The following EEA1 variants were observed in gnomAD, a reference collection of about 807,000 sequenced individuals.
The protein encoded by EEA1 is early endosome antigen 1.
Under a neutral mutation model 209.2 loss-of-function variants are expected in EEA1, and 111 were observed. That is an observed-to-expected ratio of 0.53 (90% CI 0.45 to 0.62). The LOEUF is 0.62. EEA1 is among the 20% of genes least tolerant of loss of function. The pLI is 0.00. For missense variants in EEA1, 1,343 were observed against 1,530.8 expected (o/e 0.88, Z 2.05); for synonymous variants, 536 against 540.6 (o/e 0.99, Z 0.12).
chr12:92,874,830 A>G (rs1161259611), intron 2 of EEA1, among the ~76,000 whole-genome samples: 1 of 152,248 alleles, frequency 6.6e-6, no homozygotes, highest in East Asian at 1.9e-4. Flanking sequence ...ATATCACAAA[A>G]TAGCTAAAAG....
intron 14 of EEA1, among the ~76,000 whole-genome samples, chr12:92,818,099 A>G (rs2136680521): frequency 1.3e-5 from 2 of 152,258 alleles, no homozygotes; most frequent in East Asian, 3.9e-4. Context: ...GTGAATTCCT[A>G]AGCAGATTTC....
chr12:92,875,210 G>A (rs1345335341), intron 2 of EEA1, among the ~76,000 whole-genome samples: 1 of 152,110 alleles, frequency 6.6e-6, no homozygotes, highest in Non-Finnish European at 1.5e-5. Context: ...CTAGCACTTT[G>A]AGAGGCTGAG....
chr12:92,879,331 G>A (rs927621334), intron 2 of EEA1: 15 of 444,962 alleles, frequency 3.4e-5, no homozygotes, highest in East Asian at 2.9e-4. Context: ...GCAGCATTTC[G>A]GATTTTGAAT....
chr12:92,864,832 A>G (rs2136723584), intron 3 of EEA1, 28 bp downstream of exon 3: 11 of 1,551,150 alleles, frequency 7.1e-6, no homozygotes, highest in Non-Finnish European at 9.5e-6. Flanking sequence ...ATTCCATAAC[A>G]TTATACTTCA....
chr12:92,858,953 A>G, intron 3 of EEA1: 1 of 698,914 alleles, frequency 1.4e-6, no homozygotes, highest in Non-Finnish European at 2.6e-6. Context: ...GATTATACTA[A>G]GATCAACCGT....
Position 92,825,308 on chromosome 12 carries a change from G to A in EEA1, c.1524+858C>T, listed in dbSNP as rs142997533. 6.4e-3 allele frequency among the ~76,000 whole-genome samples: 974 copies of A among 152,024 alleles called. 14 individuals carry two copies. The highest frequency in any genetic ancestry group is 0.021 in the African/African-American group (883 of 41,472). The stretch of plus-strand genomic sequence containing the variant: ...CTACTAAAAACACAAAAAATTAGCC[G>A]GGCACGGTGGCGGACGCCTGTAGTC... On this transcript the variant is annotated intron_variant, in intron 13 of 28. Coordinates refer to ENST00000322349, the MANE Select transcript of EEA1 (RefSeq NM_003566.4).
At chr12:92,874,157 AC>A (rs1878773016) in intron 2 of EEA1, among the ~76,000 whole-genome samples, 2 of 151,192 alleles carry the variant, frequency 1.3e-5, no homozygotes, top group African/African-American at 4.9e-5. Flanking sequence ...TACAAAAAAT[AC>A]AAAAAAAAAA....
intron 3 of EEA1, among the ~76,000 whole-genome samples, chr12:92,864,227 G>GT (rs992918613): frequency 3.3e-5 from 5 of 151,124 alleles, no homozygotes; most frequent in African/African-American, 4.9e-5. Flanking sequence ...CAACCAGTAA[G>GT]TTTTTTTTTA....
At chr12:92,923,375 T>C (rs566246668) in intron 1 of EEA1, among the ~76,000 whole-genome samples, 381 of 152,210 alleles carry the variant, frequency 2.5e-3, no homozygotes, top group Non-Finnish European at 4.6e-3. Context: ...TTTCTGTGGC[T>C]CCTTACTGTC....
intron 2 of EEA1, among the ~76,000 whole-genome samples, chr12:92,881,597 T>C (rs1025025549): frequency 2.0e-5 from 3 of 152,028 alleles, no homozygotes; most frequent in Non-Finnish European, 2.9e-5. Context: ...CTGGACTAAA[T>C]GCGTCTAAGA....
intron 20 of EEA1, among the ~76,000 whole-genome samples, chr12:92,800,398 C>T (rs1422932598): frequency 6.6e-6 from 1 of 152,112 alleles, no homozygotes; most frequent in Non-Finnish European, 1.5e-5. Flanking sequence ...TATCTCCCAC[C>T]CTCCAACCAA....
At chr12:92,871,642 C>T (rs981939682) in intron 2 of EEA1, among the ~76,000 whole-genome samples, 2 of 152,080 alleles carry the variant, frequency 1.3e-5, no homozygotes, top group South Asian at 2.1e-4. Context: ...TTCTGGTATA[C>T]GTAAGGAAAA....
intron 1 of EEA1, among the ~76,000 whole-genome samples, chr12:92,893,839 T>C (rs1222120488): frequency 6.6e-6 from 1 of 152,312 alleles, no homozygotes; most frequent in East Asian, 1.9e-4. Context: ...ACCTCCAGTT[T>C]AATAGCCAGC....
intron 14 of EEA1, 21 bp downstream of exon 14, chr12:92,819,282 AAATAT>A: frequency 6.5e-7 from 1 of 1,536,490 alleles, no homozygotes; most frequent in Non-Finnish European, 8.8e-7. Context: ...TAAATTTTAC[AAATAT>A]AATATATTTT....
At chr12:92,855,557 T>A (rs1877842895) in intron 5 of EEA1, among the ~76,000 whole-genome samples, 1 of 151,316 alleles carries the variant, frequency 6.6e-6, no homozygotes, top group South Asian at 2.1e-4. Context: ...TCCATAAGGC[T>A]TAATTTGTCA....
At chr12:92,785,475 A>G (rs1364892568) in intron 22 of EEA1, among the ~76,000 whole-genome samples, 1 of 152,182 alleles carries the variant, frequency 6.6e-6, no homozygotes, top group African/African-American at 2.4e-5. Flanking sequence ...CATTGAAGCA[A>G]AAGAAAAATA....
At chr12:92,853,488 A>G (rs1009201216) in intron 6 of EEA1, among the ~76,000 whole-genome samples, 1 of 152,156 alleles carries the variant, frequency 6.6e-6, no homozygotes, top group Non-Finnish European at 1.5e-5. Flanking sequence ...TCAAAAAGGA[A>G]AACATTCTGC....
intron 2 of EEA1, among the ~76,000 whole-genome samples, chr12:92,869,809 G>A (rs1245071812): frequency 7.2e-6 from 1 of 138,238 alleles, no homozygotes; most frequent in Non-Finnish European, 1.5e-5. Flanking sequence ...TATTTTAAGT[G>A]CAGAGTAGGT....
chr12:92,799,557 C>T (rs966917316), intron 20 of EEA1, among the ~76,000 whole-genome samples: 14 of 152,066 alleles, frequency 9.2e-5, no homozygotes, highest in East Asian at 5.8e-4. Context: ...GAGGCTGAGG[C>T]GGGAGGATCA....
Sources: gnomAD v4.1 joint callset for allele counts (sites outside exome capture counted in the v4.1 genomes callset) on GRCh38, gnomAD v4.1.1 for gene constraint, MANE v1.5 for transcripts, NCBI Gene and HGNC (gene_info 2026-07-23, HGNC 2026-07-21) for gene names.